The following ZNF207 variants were observed in gnomAD, a reference collection of about 807,000 sequenced individuals.
The protein encoded by ZNF207 is BUB3-interacting and GLEBS motif-containing protein ZNF207.
ZNF207 carries 24 observed loss-of-function variants against 60.2 expected under a neutral mutation model. The observed-to-expected ratio is 0.40, with a 90% confidence interval of 0.29 to 0.56. The LOEUF (loss-of-function observed/expected upper bound fraction) is 0.56, where lower values mean the gene tolerates loss of function less well. Ranked by LOEUF, ZNF207 falls within the 20% of genes least tolerant of loss-of-function variation. The pLI, the probability that ZNF207 is intolerant of heterozygous loss-of-function variation, is 0.49. For synonymous variants in ZNF207, 236 were observed against 194.7 expected, an observed-to-expected ratio of 1.21 and a Z score of -1.77; for missense variants, 452 against 636.6, an observed-to-expected ratio of 0.71 and a Z score of 3.12.
chr17:32,355,215 T>C (rs1383723095), intron 2 of ZNF207, among the ~76,000 whole-genome samples: 2 of 152,118 alleles, frequency 1.3e-5, no homozygotes, highest in African/African-American at 4.8e-5. Context: ...GGCAATATAA[T>C]GAGACCCTGT....
intron 7 of ZNF207, among the ~76,000 whole-genome samples, chr17:32,364,000 G>A (rs1905031525): frequency 6.6e-6 from 1 of 151,316 alleles, no homozygotes; most frequent in East Asian, 1.9e-4. Flanking sequence ...AGACAAGAAG[G>A]GGTGTCGGTT....
At position 32,372,141 on chromosome 17, in the gene ZNF207, A is replaced by C. The variant is rs1905495236; in HGVS notation, c.*2382A>C. 1 of 152,362 alleles carries C rather than the reference A, an allele frequency of 6.6e-6. No individual in the cohort carries two copies. The highest frequency in any genetic ancestry group is 1.5e-5 in the Non-Finnish European group (1 of 68,162). 9.4% of individuals were successfully genotyped at this position (152,362 alleles called of 1,614,324 possible). On this transcript the variant is annotated 3_prime_UTR_variant, in exon 12 of 12. Transcript: ENST00000394670. Reference sequence around the variant, plus strand: ...CGGTGAAACCCCGTTTCTACTAAAAATACAAAAAATTAGCTGGGCGTAGTT... The same window carrying C: ...CGGTGAAACCCCGTTTCTACTAAAACTACAAAAAATTAGCTGGGCGTAGTT...
Position 32,360,945 on chromosome 17 carries a change from G to C in ZNF207, c.529G>C (p.Val177Leu). ...TCCTCTGATGCCAGGAATGCCACCA[G>C]TTATGCCAGGCATGCCACCTGGGTA... ...VPPLMPGMPP[V>L]MPGMPPGLHH... The change falls in exon 5 of 12, where the codon GTT becomes CTT. Residue 177 changes from valine to leucine, a missense_variant. By Grantham distance (32) the Val-to-Leu change is conservative. Around this residue, in one of 2 missense-constraint regions of ZNF207, gnomAD observed 390 missense variants for 461.4 expected, o/e 0.85. Coordinates refer to ENST00000394670, the MANE Select transcript of ZNF207 (RefSeq NM_001098507.2). 6.2e-7 allele frequency: 1 copy of C among 1,613,596 alleles called. No homozygotes were observed. Among genetic ancestry groups the C allele is most frequent in the Non-Finnish European group, 8.5e-7 (1 of 1,179,988 alleles).
chr17:32,368,212 G>C, intron 10 of ZNF207, 198 bp downstream of exon 10: 1 of 745,236 alleles, frequency 1.3e-6, no homozygotes, highest in Middle Eastern at 3.9e-4. Flanking sequence ...TTTGGTCTTA[G>C]ATGGTTTCTC....
Position 32,369,828 on chromosome 17 carries a change from A to C in ZNF207, c.*69A>C. Reference sequence around the variant, plus strand: ...CTCAACTTGTGCTGTTTATATAGCCAAGCTTCCGTCAATAAGGCTTCATTG... The same window carrying C: ...CTCAACTTGTGCTGTTTATATAGCCCAGCTTCCGTCAATAAGGCTTCATTG... On this transcript the variant is annotated 3_prime_UTR_variant, in exon 12 of 12. Coordinates refer to ENST00000394670, the MANE Select transcript of ZNF207 (RefSeq NM_001098507.2). 7.4e-7 allele frequency: 1 copy of C among 1,352,818 alleles called. No homozygotes were observed. The highest frequency in any genetic ancestry group is 9.6e-7 in the Non-Finnish European group (1 of 1,041,866). 83.8% of individuals were successfully genotyped at this position (1,352,818 alleles called of 1,614,324 possible). A position where few individuals can be genotyped will look rare whatever the true frequency, so the allele number is the denominator to read the frequency against.
chr17:32,372,635 TG>T lies in ZNF207; in HGVS notation c.*2877del, dbSNP rs1458576366. 1 of 152,194 alleles carries T rather than the reference TG, an allele frequency of 6.6e-6. No homozygotes were observed. The highest frequency in any genetic ancestry group is 2.4e-5 in the African/African-American group (1 of 41,448). 9.4% of individuals were successfully genotyped at this position (152,194 alleles called of 1,614,324 possible). The stretch of plus-strand genomic sequence containing the variant: ...TTTGTAGCTATAGGCTCAGAGGTGG[TG>T]TACCCATTTAATATATTTGAAGTGT... On this transcript the variant is annotated 3_prime_UTR_variant, in exon 12 of 12. Coordinates refer to ENST00000394670, the MANE Select transcript of ZNF207 (RefSeq NM_001098507.2).
chr17:32,365,682 A>G (rs930472565), intron 8 of ZNF207, 195 bp downstream of exon 8: 7 of 327,054 alleles, frequency 2.1e-5, no homozygotes, highest in African/African-American at 8.8e-5. Flanking sequence ...AAAAGGTTGA[A>G]CGGAGCCAAA....
At chr17:32,367,284 TAA>T (rs71144818) in intron 9 of ZNF207, among the ~76,000 whole-genome samples, 7 of 131,064 alleles carry the variant, frequency 5.3e-5, no homozygotes, top group African/African-American at 1.8e-4. Flanking sequence ...TATATATATA[TAA>T]AGAATACTAC....
chr17:32,355,913 A>AT (rs1227016638), intron 2 of ZNF207, among the ~76,000 whole-genome samples: 1 of 152,194 alleles, frequency 6.6e-6, no homozygotes, highest in Non-Finnish European at 1.5e-5. Flanking sequence ...GTGAAGTGTG[A>AT]TTACGGTGCT....
chr17:32,369,461 C>T lies in ZNF207; in HGVS notation c.1324+7C>T, dbSNP rs2150804111. On this transcript the variant is annotated splice_region_variant and intron_variant, in intron 11 of 11. Coordinates refer to ENST00000394670, the MANE Select transcript of ZNF207 (RefSeq NM_001098507.2). The stretch of plus-strand genomic sequence containing the variant: ...CCCCCAATGCCACCTCATGGTATTC[C>T]TCTTTTTATGTTTTTCATATTTAGT... 1 of 1,612,978 alleles carries T rather than the reference C, an allele frequency of 6.2e-7. No homozygotes were observed. The highest frequency in any genetic ancestry group is 8.5e-7 in the Non-Finnish European group (1 of 1,179,320).
At chr17:32,351,678 A>G in intron 1 of ZNF207, 108 bp from the exon 2 acceptor site, 5 of 1,604,278 alleles carry the variant, frequency 3.1e-6, no homozygotes, top group East Asian at 2.2e-5. Context: ...GTTTCTATAC[A>G]GTACCATTTT....
intron 10 of ZNF207, 72 bp from the exon 11 acceptor site, chr17:32,369,223 T>C: frequency 6.5e-7 from 1 of 1,535,492 alleles, no homozygotes; most frequent in Non-Finnish European, 8.9e-7. Context: ...TGTAAGATTT[T>C]AGATGCATGC....
chr17:32,367,275 A>ATGTG lies in ZNF207; in HGVS notation c.922-496_922-495insGTGT, dbSNP rs1567825048. Among the ~76,000 whole-genome samples the ATGTG allele has an allele frequency of 2.5e-5, 3 of 119,748 alleles. 1 individual carries two copies. The highest frequency in any genetic ancestry group is 5.2e-5 in the Non-Finnish European group (3 of 57,896). The allele number at this position is 119,748 out of a possible 152,430, so 78.6% of individuals were successfully genotyped here. On this transcript the variant is annotated intron_variant, in intron 9 of 11. Coordinates refer to ENST00000394670, the MANE Select transcript of ZNF207 (RefSeq NM_001098507.2). ...TATATATATATATATATATATATAT[A>ATGTG]TATATATATAAAGAATACTACTAAA...
intron 2 of ZNF207, among the ~76,000 whole-genome samples, chr17:32,354,838 A>G (rs186125426): frequency 1.7e-4 from 25 of 145,904 alleles, no homozygotes; most frequent in African/African-American, 5.8e-4. Flanking sequence ...CTGGTCTTGA[A>G]CTCCTGACCT....
rs977065956 is a variant in ZNF207 at position 32,356,156 on chromosome 17, C to G, written c.169-2347C>G. Among the ~76,000 whole-genome samples the G allele has an allele frequency of 2.6e-5, 4 of 152,012 alleles. No homozygotes were observed. The East Asian group carries it at 5.8e-4, about 22-fold the overall frequency. On this transcript the variant is annotated intron_variant, in intron 2 of 11. Coordinates refer to ENST00000394670, the MANE Select transcript of ZNF207 (RefSeq NM_001098507.2). ...ACATTATTAGTAAGTTAGGTGGTTC[C>G]CTGCAGTTTCTCATCAGTGCTTGCT...
chr17:32,364,654 G>A (rs1373889098), intron 7 of ZNF207, among the ~76,000 whole-genome samples: 1 of 152,092 alleles, frequency 6.6e-6, no homozygotes, highest in Non-Finnish European at 1.5e-5. Flanking sequence ...CACTGTGCCC[G>A]GCCCTAGCCT....
chr17:32,366,835 T>A, intron 9 of ZNF207, 78 bp downstream of exon 9: 1 of 1,292,160 alleles, frequency 7.7e-7, no homozygotes, highest in African/African-American at 1.5e-5. Context: ...AAAAAATGAA[T>A]ATTTTTCCAA....
Position 32,365,459 on chromosome 17 carries a change from C to G in ZNF207, c.800C>G (p.Thr267Ser). 6.2e-7 allele frequency: 1 copy of G among 1,614,176 alleles called. No individual in the cohort carries two copies. The highest frequency in any genetic ancestry group is 8.5e-7 in the Non-Finnish European group (1 of 1,180,032). Residue 267 changes from threonine to serine, a missense_variant, in exon 8 of 12, where the codon ACT becomes AGT. Transcript: ENST00000394670. ...GTACCTGCCCCACAGCCTCCAGTTA[C>G]TAAGCCTCTTTTCCCCAGTGCTGGA... is the stretch of plus-strand genomic sequence containing the variant. ...ATVPAPQPPV[T>S]KPLFPSAGQM...
At chr17:32,357,148 C>T (rs142204039) in intron 2 of ZNF207, among the ~76,000 whole-genome samples, 404 of 150,112 alleles carry the variant, frequency 2.7e-3, no homozygotes, top group Admixed American at 0.011. Flanking sequence ...TGGCACTGTA[C>T]TCCTGCTTGG....
Sources: allele counts gnomAD v4.1 joint callset (sites outside exome capture counted in the v4.1 genomes callset), GRCh38; gene constraint gnomAD v4.1.1; regional missense constraint gnomAD v4.1.1; transcripts MANE v1.5; gene names NCBI Gene and HGNC (gene_info 2026-07-23, HGNC 2026-07-21).